The following FBXO31 variants were observed in gnomAD, a reference collection of about 807,000 sequenced individuals.
FBXO31 encodes F-box protein 31.
FBXO31 carries 24 observed loss-of-function variants against 54.4 expected under a neutral mutation model. The ratio of observed to expected loss-of-function variants is 0.44; its 90% CI spans 0.32 to 0.62. The LOEUF (loss-of-function observed/expected upper bound fraction) is 0.62, where lower values mean the gene tolerates loss of function less well. FBXO31 is among the 20% of genes least tolerant of loss of function. FBXO31 has a pLI of 0.05. For missense variants in FBXO31, 665 were observed against 787.1 expected (o/e 0.84, Z 1.86); for synonymous variants, 388 against 335.6 (o/e 1.16, Z -1.71).
intron 1 of FBXO31, chr16:87,367,587 G>A (rs570956945): frequency 6.6e-6 from 1 of 152,356 alleles, no homozygotes; most frequent in East Asian, 1.9e-4. Context: ...TAATGAGACT[G>A]GAGCTTCAGT....
chr16:87,349,514 AG>A (rs773410053), intron 2 of FBXO31, among the ~76,000 whole-genome samples: 3 of 152,110 alleles, frequency 2.0e-5, no homozygotes, highest in African/African-American at 4.8e-5. Flanking sequence ...GTTCGAGACC[AG>A]CCTGGCCAAC....
At chr16:87,370,857 G>A (rs982508051) in intron 1 of FBXO31, among the ~76,000 whole-genome samples, 1 of 152,162 alleles carries the variant, frequency 6.6e-6, no homozygotes, top group African/African-American at 2.4e-5. Context: ...CTAAATTAGG[G>A]GATAATTACA....
At chr16:87,341,829 T>C (rs193302553) in intron 5 of FBXO31, among the ~76,000 whole-genome samples, 2 of 152,200 alleles carry the variant, frequency 1.3e-5, no homozygotes, top group South Asian at 2.1e-4. Flanking sequence ...TTGCAAAGAA[T>C]TCCGAGAAAC....
At chr16:87,377,701 C>T (rs1037468798) in intron 1 of FBXO31, among the ~76,000 whole-genome samples, 11 of 149,674 alleles carry the variant, frequency 7.3e-5, no homozygotes, top group South Asian at 4.3e-4. Context: ...TGGTGGTGCA[C>T]GCCTGTACTC....
rs907081851 is a variant in FBXO31 at position 87,338,930 on chromosome 16, A to G, written c.733-2666T>C. ...GTGGGGTCTTTTCCATGCTGCTCTC[A>G]TGATAGTGAATAAGTCTCACGAGAT... On this transcript the variant is annotated intron_variant, in intron 5 of 8. Transcript: ENST00000311635. The surrounding 1 kb of genome is among the most constrained non-coding windows in gnomAD (Gnocchi z 4.3). Among the ~76,000 whole-genome samples the G allele has an allele frequency of 2.0e-5, 3 of 152,146 alleles. No individual in the cohort carries two copies. The South Asian group carries it at 6.2e-4, about 32-fold the overall frequency.
chr16:87,390,882 A>C (rs1405626208), upstream of FBXO31, among the ~76,000 whole-genome samples: 2 of 151,982 alleles, frequency 1.3e-5, no homozygotes, highest in Admixed American at 1.3e-4. Flanking sequence ...ACAGGCTTGG[A>C]GCCACCGCCC....
chr16:87,377,210 C>T (rs972720044), intron 1 of FBXO31, among the ~76,000 whole-genome samples: 2 of 152,168 alleles, frequency 1.3e-5, no homozygotes, highest in Non-Finnish European at 2.9e-5. Flanking sequence ...TTTGGGAGGC[C>T]GAGGCGGGCG....
chr16:87,384,651 C>A (rs561632873), upstream of FBXO31, among the ~76,000 whole-genome samples: 174 of 152,384 alleles, frequency 1.1e-3, no homozygotes, highest in African/African-American at 4.0e-3. Flanking sequence ...CCTCGGACCC[C>A]ATCTCTTGGA....
chr16:87,341,933 C>T (rs537470791), intron 5 of FBXO31, among the ~76,000 whole-genome samples: 3 of 152,010 alleles, frequency 2.0e-5, no homozygotes, highest in Admixed American at 6.5e-5. Context: ...ACACCCTGGC[C>T]GCGCGCGATG....
upstream of FBXO31, among the ~76,000 whole-genome samples, chr16:87,384,462 G>T (rs1445940798): frequency 6.6e-6 from 1 of 152,080 alleles, no homozygotes; most frequent in Non-Finnish European, 1.5e-5. Flanking sequence ...TGGAAAGGGA[G>T]GCCCTGCCAT....
chr16:87,344,366 C>T (rs1464519347), intron 3 of FBXO31, among the ~76,000 whole-genome samples: 1 of 152,230 alleles, frequency 6.6e-6, no homozygotes, highest in Non-Finnish European at 1.5e-5. Context: ...GTGCGTTGCC[C>T]GTGCGATCTC....
rs549921657 is a variant in FBXO31 at position 87,337,056 on chromosome 16, C to T, written c.733-792G>A. On this transcript the variant is annotated intron_variant, in intron 5 of 8. Transcript: ENST00000311635. ...TTTCATACATCACTGCTCCAAACTC[C>T]GACAAGAAACAGAAATCACTGCAGG... 7.2e-5 allele frequency among the ~76,000 whole-genome samples: 11 copies of T among 152,284 alleles called. No homozygotes were observed. In the South Asian group the frequency reaches 1.5e-3, roughly 20 times the overall value.
In FBXO31 at chr16:87,383,427, G is replaced by A. The variant is rs762750715; in HGVS notation, c.318C>T (p.Ile106=). Residue 106 remains isoleucine, a synonymous_variant, in exon 1 of 9, where the codon ATC becomes ATT. Transcript: ENST00000311635. The surrounding 1 kb of genome is among the most constrained non-coding windows in gnomAD (Gnocchi z 4.9). ...KFRRILHTDT[I]WRRRCREEYG... ...CACCCTCACGGCAACGCCTCCTCCAGATGGTGTCGGTGTGGAGGATGCGCC... is the reference window on the plus strand; with the variant it reads ...CACCCTCACGGCAACGCCTCCTCCAAATGGTGTCGGTGTGGAGGATGCGCC... The A allele has an allele frequency of 1.7e-5, 26 of 1,567,402 alleles. No individual in the cohort carries two copies. In the South Asian group the frequency reaches 2.8e-4, roughly 17 times the overall value.
At chr16:87,387,380 T>A (rs944792002), upstream of FBXO31, among the ~76,000 whole-genome samples, 1 of 152,242 alleles carries the variant, frequency 6.6e-6, no homozygotes, top group Non-Finnish European at 1.5e-5. Context: ...TTTAACACTA[T>A]GATGAGGCTT....
At chr16:87,369,806 T>TCAC (rs1045601186) in intron 1 of FBXO31, among the ~76,000 whole-genome samples, 7 of 152,148 alleles carry the variant, frequency 4.6e-5, no homozygotes, top group Admixed American at 3.9e-4. Flanking sequence ...AGACAGGGTC[T>TCAC]CACTTTCTGT....
Position 87,327,512 on chromosome 16 carries a change from G to C in FBXO31, c.*3776C>G, listed in dbSNP as rs1159442343. On this transcript the variant is annotated 3_prime_UTR_variant, in exon 9 of 9. Coordinates refer to ENST00000311635, the MANE Select transcript of FBXO31 (RefSeq NM_024735.5). ...ATCTCTACAAAAACAAGTTAGCCAA[G>C]CATGGTGGTGGTGGGTGCCTGTGGT... 1.3e-5 allele frequency: 2 copies of C among 152,342 alleles called. No homozygotes were observed. The highest frequency in any genetic ancestry group is 4.8e-5 in the African/African-American group (2 of 41,460). 9.4% of individuals were successfully genotyped at this position (152,342 alleles called of 1,614,324 possible).
chr16:87,341,086 T>G (rs1257279417), intron 5 of FBXO31, among the ~76,000 whole-genome samples: 1 of 151,328 alleles, frequency 6.6e-6, no homozygotes, highest in Non-Finnish European at 1.5e-5. Context: ...AAACATAAAC[T>G]CCCCCCATCA....
upstream of FBXO31, among the ~76,000 whole-genome samples, chr16:87,385,249 G>A (rs539244125): frequency 1.9e-4 from 29 of 152,218 alleles, no homozygotes; most frequent in Non-Finnish European, 2.9e-4. Flanking sequence ...ATGAGGTCAG[G>A]AGATTGAGAC....
At chr16:87,360,827 G>A (rs1271910861) in intron 1 of FBXO31, among the ~76,000 whole-genome samples, 1 of 152,166 alleles carries the variant, frequency 6.6e-6, no homozygotes, top group Non-Finnish European at 1.5e-5. Flanking sequence ...CCAAGGCCAA[G>A]AGGGGACCGT....
Sources: allele counts gnomAD v4.1 joint callset (sites outside exome capture counted in the v4.1 genomes callset), GRCh38; gene constraint gnomAD v4.1.1; non-coding constraint Gnocchi (gnomAD v3.1); transcripts MANE v1.5; gene names NCBI Gene and HGNC (gene_info 2026-07-23, HGNC 2026-07-21).